Variants in TBC1D22A observed in about 807,000 individuals in gnomAD.
The protein encoded by TBC1D22A is TBC1 domain family member 22A.
A neutral mutation model predicts 60.2 loss-of-function variants in TBC1D22A; 38 were observed. That is an observed-to-expected ratio of 0.63 (90% CI 0.49 to 0.83). TBC1D22A has a LOEUF of 0.83. Ranked by LOEUF, TBC1D22A falls within the 40% of genes least tolerant of loss-of-function variation. TBC1D22A has a pLI of 0.00. For missense variants in TBC1D22A, 628 were observed against 701.0 expected, an observed-to-expected ratio of 0.90 and a Z score of 1.18; for synonymous variants, 302 against 281.7, an observed-to-expected ratio of 1.07 and a Z score of -0.72.
intron 10 of TBC1D22A, among the ~76,000 whole-genome samples, chr22:47,007,580 G>C (rs1359862095): frequency 1.3e-5 from 2 of 152,286 alleles, no homozygotes; most frequent in East Asian, 3.9e-4. Context: ...CCAAGATGAT[G>C]GTTCTAGCTG....
At chr22:47,104,933 G>A (rs2147691962) in intron 11 of TBC1D22A, among the ~76,000 whole-genome samples, 1 of 151,408 alleles carries the variant, frequency 6.6e-6, no homozygotes, top group Non-Finnish European at 1.5e-5. Context: ...CCTTTCACTT[G>A]TCCCCCCTTT....
At chr22:47,015,051 C>T (rs114157318) in intron 10 of TBC1D22A, among the ~76,000 whole-genome samples, 16 of 152,370 alleles carry the variant, frequency 1.1e-4, no homozygotes, top group South Asian at 2.1e-4. Flanking sequence ...TCTTGTAACT[C>T]GTGTACATGG....
intron 9 of TBC1D22A, among the ~76,000 whole-genome samples, chr22:46,976,668 G>T (rs8141390): frequency 0.032 from 4,842 of 152,204 alleles, 292 homozygotes; most frequent in African/African-American, 0.11. Context: ...GGAACTGCTC[G>T]AACCATCTTC....
At chr22:46,805,276 G>A (rs2085078798) in intron 4 of TBC1D22A, among the ~76,000 whole-genome samples, 1 of 152,208 alleles carries the variant, frequency 6.6e-6, no homozygotes, top group Non-Finnish European at 1.5e-5. Context: ...GTTCTTCAGC[G>A]GTGAGTGGGG....
intron 8 of TBC1D22A, among the ~76,000 whole-genome samples, chr22:46,917,110 A>G (rs1006934061): frequency 2.0e-5 from 3 of 152,180 alleles, no homozygotes; most frequent in African/African-American, 7.2e-5. Context: ...TAGCACAGCC[A>G]TTGGAGACGA....
At chr22:47,108,759 G>A (rs1008366842) in intron 11 of TBC1D22A, among the ~76,000 whole-genome samples, 5 of 152,110 alleles carry the variant, frequency 3.3e-5, no homozygotes, top group African/African-American at 4.8e-5. Context: ...GCAGTGGCTC[G>A]ATCTCGGCTC....
chr22:46,944,136 C>G (rs2072357069), intron 8 of TBC1D22A, among the ~76,000 whole-genome samples: 3 of 152,176 alleles, frequency 2.0e-5, no homozygotes, highest in Non-Finnish European at 2.9e-5. Flanking sequence ...AGTGCCTGCT[C>G]CATTTACCAT....
chr22:46,958,587 C>T (rs950551619), intron 8 of TBC1D22A, among the ~76,000 whole-genome samples: 7 of 152,208 alleles, frequency 4.6e-5, no homozygotes, highest in South Asian at 2.1e-4. Context: ...AGCCAGCCTC[C>T]GTGTCTACTT....
intron 8 of TBC1D22A, among the ~76,000 whole-genome samples, chr22:46,923,806 G>C (rs2070894555): frequency 6.6e-6 from 1 of 152,076 alleles, no homozygotes. Flanking sequence ...TTACAATGTA[G>C]GCTTTTCCTT....
At chr22:47,140,998 C>T (rs1363713657) in intron 12 of TBC1D22A, among the ~76,000 whole-genome samples, 2 of 152,194 alleles carry the variant, frequency 1.3e-5, no homozygotes, top group Non-Finnish European at 2.9e-5. Context: ...TAAAGAAATA[C>T]CCGAGACTGG....
chr22:47,157,862 T>A (rs2067788339), intron 12 of TBC1D22A, among the ~76,000 whole-genome samples: 1 of 152,030 alleles, frequency 6.6e-6, no homozygotes, highest in African/African-American at 2.4e-5. Flanking sequence ...CAAGCCCTCA[T>A]TCTTTCTTTA....
intron 9 of TBC1D22A, among the ~76,000 whole-genome samples, chr22:46,989,662 A>T (rs1264446275): frequency 2.0e-5 from 3 of 152,068 alleles, no homozygotes; most frequent in Non-Finnish European, 4.4e-5. Flanking sequence ...TAAAACAATT[A>T]TGATAGTAAC....
chr22:46,773,877 G>A, intron 1 of TBC1D22A: 3 of 947,514 alleles, frequency 3.2e-6, no homozygotes, highest in Non-Finnish European at 3.8e-6. Flanking sequence ...GCTGAGCTAC[G>A]TGCTCAAAGC....
At chr22:47,141,032 T>C (rs1352356616) in intron 12 of TBC1D22A, among the ~76,000 whole-genome samples, 1 of 152,108 alleles carries the variant, frequency 6.6e-6, no homozygotes, top group Non-Finnish European at 1.5e-5. Flanking sequence ...AAAAAGAGGT[T>C]TAATGAACTC....
At chr22:47,036,975 A>G (rs2062677196) in intron 10 of TBC1D22A, 96 bp from the exon 11 acceptor site, 1 of 1,502,756 alleles carries the variant, frequency 6.7e-7, no homozygotes, top group South Asian at 1.2e-5. Flanking sequence ...TGGGGTTCTG[A>G]GGCGGGCGCA....
At chr22:46,789,884 C>G (rs1468311282) in intron 1 of TBC1D22A, among the ~76,000 whole-genome samples, 1 of 152,174 alleles carries the variant, frequency 6.6e-6, no homozygotes, top group East Asian at 1.9e-4. Context: ...AAGGATTGAA[C>G]TAGCACACGG....
chr22:46,982,731 T>C (rs2074563669), intron 9 of TBC1D22A, among the ~76,000 whole-genome samples: 1 of 152,076 alleles, frequency 6.6e-6, no homozygotes, highest in African/African-American at 2.4e-5. Flanking sequence ...ATGTGGGATG[T>C]ATTTGGATGA....
Position 47,015,433 on chromosome 22 carries a change from C to T in TBC1D22A, c.1201+17724C>T, listed in dbSNP as rs573856285. Reference sequence around the variant, plus strand: ...TATAGAGGTGTGAGGGGGCCACGCCCACCCCGTTTTACACTTGGCGCCTCC... The same window carrying T: ...TATAGAGGTGTGAGGGGGCCACGCCTACCCCGTTTTACACTTGGCGCCTCC... On this transcript the variant is annotated intron_variant, in intron 10 of 12. Coordinates refer to ENST00000337137, the MANE Select transcript of TBC1D22A (RefSeq NM_014346.5). 3.9e-5 allele frequency among the ~76,000 whole-genome samples: 6 copies of T among 152,324 alleles called. No individual in the cohort carries two copies. The South Asian group carries it at 1.0e-3, about 26-fold the overall frequency.
intron 11 of TBC1D22A, among the ~76,000 whole-genome samples, chr22:47,088,014 A>C (rs1193114792): frequency 6.6e-6 from 1 of 152,154 alleles, no homozygotes; most frequent in African/African-American, 2.4e-5. Context: ...CAGAGGTTGC[A>C]GTGAGCCAAG....
Sources: allele counts gnomAD v4.1 joint callset (sites outside exome capture counted in the v4.1 genomes callset), GRCh38; gene constraint gnomAD v4.1.1; transcripts MANE v1.5; gene names NCBI Gene and HGNC (gene_info 2026-07-23, HGNC 2026-07-21).